ZC3H4: variants seen among roughly 807,000 people sequenced by gnomAD.
ZC3H4 encodes zinc finger CCCH-type containing 4.
In ZC3H4, 13 loss-of-function variants were observed where a neutral mutation model predicts 108.3. That is an observed-to-expected ratio of 0.12 (90% CI 0.08 to 0.19). The LOEUF (loss-of-function observed/expected upper bound fraction) is 0.19. Among genes scored for constraint, ZC3H4 ranks in the 10% least tolerant of loss-of-function variants. ZC3H4 has a pLI of 1.00. For missense variants in ZC3H4, 1,734 were observed against 1,838.8 expected (o/e 0.94, Z 1.04); for synonymous variants, 917 against 749.6 (o/e 1.22, Z -3.65).
chr19:47,093,889 G>A, intron 4 of ZC3H4, 81 bp downstream of exon 4: 1 of 1,291,256 alleles, frequency 7.7e-7, no homozygotes, highest in Non-Finnish European at 1.1e-6. Context: ...AAAATGCCCA[G>A]AACACAGCAA....
chr19:47,067,030 G>A lies in ZC3H4; in HGVS notation c.3238C>T (p.Pro1080Ser). 1.2e-6 allele frequency: 2 copies of A among 1,602,098 alleles called. No homozygotes were observed. The highest frequency in any genetic ancestry group is 1.7e-6 in the Non-Finnish European group (2 of 1,174,090). Residue 1080 changes from proline (P) to serine (S), a missense_variant, in exon 15 of 15, where the codon CCT becomes TCT. Physicochemically the swap from Pro to Ser is moderately conservative, Grantham distance 74 (BLOSUM62 -1). This residue lies in a region of ZC3H4 where 518 missense variants were observed against 499.6 expected (regional missense o/e 1.04). Transcript: ENST00000253048. The surrounding 1 kb of genome is among the most constrained non-coding windows in gnomAD (Gnocchi z 6.4). ...GAGTCTGTGGGTTTCTGCAGCCGAG[G>A]GTCGGTGGGGGCCTTCCGCACCCGG... ...DPRVRKAPTD[P>S]RLQKPTDSTA...
intron 2 of ZC3H4, among the ~76,000 whole-genome samples, chr19:47,109,390 C>A (rs774023922): frequency 6.6e-6 from 1 of 152,144 alleles, no homozygotes; most frequent in African/African-American, 2.4e-5. Context: ...CTTAACGTTT[C>A]TTTTTAAAAG....
intron 4 of ZC3H4, 82 bp from the exon 5 acceptor site, chr19:47,090,271 A>G: frequency 6.8e-7 from 1 of 1,474,884 alleles, no homozygotes; most frequent in Non-Finnish European, 9.3e-7. Flanking sequence ...AGGGTTCCCT[A>G]AACGAACATG....
rs993135933 is a variant in ZC3H4 at position 47,094,666 on chromosome 19, G to A, written c.162-58C>T. On this transcript the variant is annotated intron_variant, in intron 2 of 14. Transcript: ENST00000253048. ...AGGGTTTGAGAGGAGACCTCCTAGG[G>A]CTCTGGGCTGGCCAAGGCTGACAGG... is the stretch of plus-strand genomic sequence containing the variant. 3.8e-6 allele frequency: 6 copies of A among 1,575,434 alleles called. No individual in the cohort carries two copies. The African/African-American group carries it at 5.4e-5, about 14-fold the overall frequency.
chr19:47,090,823 T>C (rs907964228), intron 4 of ZC3H4, among the ~76,000 whole-genome samples: 2 of 152,168 alleles, frequency 1.3e-5, no homozygotes, highest in African/African-American at 4.8e-5. Flanking sequence ...AATGTATCAA[T>C]ACCGGCTCAT....
chr19:47,079,577 C>G (rs2057485085), intron 11 of ZC3H4, among the ~76,000 whole-genome samples: 1 of 152,046 alleles, frequency 6.6e-6, no homozygotes, highest in African/African-American at 2.4e-5. Context: ...TCAAACAGCT[C>G]AGACCCTAGG....
At position 47,084,440 on chromosome 19, in the gene ZC3H4, T is replaced by C. The variant is rs749168893; in HGVS notation, c.1123A>G (p.Ser375Gly). 1.7e-5 allele frequency: 28 copies of C among 1,614,190 alleles called. No individual in the cohort carries two copies. The highest frequency in any genetic ancestry group is 1.9e-5 in the Non-Finnish European group (22 of 1,180,034). ...TTGTCATGGTCACGACTCCGGTAGC[T>C]TCCACCACCACCGTCCTGCAATGGA... ...DEDMGDGGGGSYRSRDHDKPH... is the reference protein window; with the variant it reads ...DEDMGDGGGGGYRSRDHDKPH... Residue 375 changes from serine to glycine, a missense_variant, in exon 9 of 15, where the codon AGC becomes GGC. This residue lies in a region of ZC3H4 where 403 missense variants were observed against 457.0 expected (regional missense o/e 0.88). Transcript: ENST00000253048.
At position 47,082,886 on chromosome 19, in the gene ZC3H4, C is replaced by T. The variant is rs545996345; in HGVS notation, c.1219-591G>A. On this transcript the variant is annotated intron_variant, in intron 9 of 14. Transcript: ENST00000253048. Reference sequence around the variant, plus strand: ...ATTTTGTTAAGTTTTCCTTTATTTCCGGTTGAACACAGTCTCAACGACACA... The same window carrying T: ...ATTTTGTTAAGTTTTCCTTTATTTCTGGTTGAACACAGTCTCAACGACACA... 5.9e-5 allele frequency among the ~76,000 whole-genome samples: 9 copies of T among 152,244 alleles called. No individual in the cohort carries two copies. The East Asian group carries it at 1.5e-3, about 26-fold the overall frequency.
intron 2 of ZC3H4, among the ~76,000 whole-genome samples, chr19:47,098,686 C>A (rs1035794414): frequency 6.6e-6 from 1 of 152,164 alleles, no homozygotes; most frequent in East Asian, 1.9e-4. Flanking sequence ...ATCGCTTGAA[C>A]CTGGGAGGCG....
intron 4 of ZC3H4, among the ~76,000 whole-genome samples, chr19:47,093,342 G>C (rs1568558267): frequency 1.3e-5 from 2 of 152,004 alleles, no homozygotes; most frequent in Non-Finnish European, 2.9e-5. Flanking sequence ...CAGTGGCTGA[G>C]TATCTAACCT....
chr19:47,090,443 T>A (rs910693748), intron 4 of ZC3H4, among the ~76,000 whole-genome samples: 2 of 152,088 alleles, frequency 1.3e-5, no homozygotes, highest in African/African-American at 4.8e-5. Flanking sequence ...AGACCCCCGA[T>A]CCCTGATGAA....
In ZC3H4 at chr19:47,100,000, T is replaced by C. The variant is rs915114124; in HGVS notation, c.162-5392A>G. Among the ~76,000 whole-genome samples the C allele has an allele frequency of 3.9e-5, 6 of 152,142 alleles. No homozygotes were observed. The South Asian group carries it at 1.0e-3, about 26-fold the overall frequency. ...CTCAACAAATTGCCTGGGTAGGCTC[T>C]GAATGACCCATTAACTAGGGACAAA... On this transcript the variant is annotated intron_variant, in intron 2 of 14. Coordinates refer to ENST00000253048, the MANE Select transcript of ZC3H4 (RefSeq NM_015168.2).
intron 13 of ZC3H4, among the ~76,000 whole-genome samples, chr19:47,071,340 G>GA (rs899519771): frequency 1.3e-5 from 2 of 151,928 alleles, no homozygotes; most frequent in African/African-American, 4.8e-5. Flanking sequence ...AATGCAAAAG[G>GA]AAAAAAAGGC....
Position 47,080,400 on chromosome 19 carries a change from T to C in ZC3H4, c.1440+1113A>G, listed in dbSNP as rs141834399. ...TAGAGACCCCCAACTTCCCTCTATT[T>C]TCTCTAATGCATAATGGGGGCCCTG... On this transcript the variant is annotated intron_variant, in intron 11 of 14. Coordinates refer to ENST00000253048, the MANE Select transcript of ZC3H4 (RefSeq NM_015168.2). Among the ~76,000 whole-genome samples the C allele has an allele frequency of 1.6e-3, 245 of 152,312 alleles. 1 individual carries two copies. Among genetic ancestry groups the C allele is most frequent in the Middle Eastern group, 0.01 (3 of 294 alleles).
rs760153328 is a variant in ZC3H4, at chr19:47,085,088, C to T, written c.1075G>A (p.Asp359Asn). The change falls in exon 8 of 15, where the codon GAT (aspartate) becomes AAT (asparagine). Residue 359 changes from aspartate to asparagine, a missense_variant. Physicochemically the swap from Asp to Asn is conservative, Grantham distance 23. Transcript: ENST00000253048. Reference protein sequence around the residue: ...RGGMNKGGMNDDEDFYDEDMG... With the variant: ...RGGMNKGGMNNDEDFYDEDMG... ...TCCTCGTCATAGAAGTCTTCGTCATCGTTCATTCCGCCCTTGTTCATCCCT... is the reference window on the plus strand; with the variant it reads ...TCCTCGTCATAGAAGTCTTCGTCATTGTTCATTCCGCCCTTGTTCATCCCT... 7 of 1,614,220 alleles carry T rather than the reference C, an allele frequency of 4.3e-6. No homozygotes were observed. Among genetic ancestry groups the T allele is most frequent in the South Asian group, 2.2e-5 (2 of 91,084 alleles).
chr19:47,077,581 T>C (rs2057445710), intron 11 of ZC3H4, among the ~76,000 whole-genome samples: 1 of 151,520 alleles, frequency 6.6e-6, no homozygotes, highest in East Asian at 2.0e-4. Context: ...CAGCTAGGCA[T>C]GGTGGCTCAC....
intron 5 of ZC3H4, among the ~76,000 whole-genome samples, chr19:47,087,544 G>A (rs2057653375): frequency 6.6e-6 from 1 of 151,750 alleles, no homozygotes; most frequent in East Asian, 1.9e-4. Context: ...AAACAAGCCT[G>A]GCCAACATAG....
At position 47,094,034 on chromosome 19, in the gene ZC3H4, G is replaced by C. The variant is rs749068609; in HGVS notation, c.428C>G (p.Ser143Trp). The change falls in exon 4 of 15, where the codon TCG (serine) becomes TGG (tryptophan). Residue 143 changes from serine to tryptophan, a missense_variant. Ser to Trp is a radical substitution (Grantham distance 177). Coordinates refer to ENST00000253048, the MANE Select transcript of ZC3H4 (RefSeq NM_015168.2). ...SDDFSDFSDD[S>W]DFSPSEKGHR... is the part of the protein sequence containing the mutation. ...ACCTTTCTCACTGGGGCTGAAATCC[G>C]AGTCATCTGAGAAGTCAGAGAAGTC... The C allele has an allele frequency of 6.2e-7, 1 of 1,614,166 alleles. No homozygotes were observed. Among genetic ancestry groups the C allele is most frequent in the Non-Finnish European group, 8.5e-7 (1 of 1,180,036 alleles).
chr19:47,094,853 C>T (rs897763824), intron 2 of ZC3H4, among the ~76,000 whole-genome samples: 3 of 152,196 alleles, frequency 2.0e-5, no homozygotes, highest in Non-Finnish European at 4.4e-5. Context: ...CCACTAACAC[C>T]GGGACACATC....
Sources: allele counts gnomAD v4.1 joint callset (sites outside exome capture counted in the v4.1 genomes callset), GRCh38; gene constraint gnomAD v4.1.1; regional missense constraint gnomAD v4.1.1; non-coding constraint Gnocchi (gnomAD v3.1); transcripts MANE v1.5; gene names NCBI Gene and HGNC (gene_info 2026-07-23, HGNC 2026-07-21).